Variants in GATAD1 observed in about 807,000 individuals in gnomAD.
GATAD1 encodes GATA zinc finger domain-containing protein 1.
In GATAD1, 12 loss-of-function variants were observed where a neutral mutation model predicts 26.5. The ratio of observed to expected loss-of-function variants is 0.45; its 90% CI spans 0.29 to 0.73. The LOEUF is 0.73. Ranked by LOEUF, GATAD1 falls within the 30% of genes least tolerant of loss-of-function variation. GATAD1 has a pLI of 0.10. For missense variants in GATAD1, 266 were observed against 342.1 expected, an observed-to-expected ratio of 0.78 and a Z score of 1.75; for synonymous variants, 129 against 133.1, an observed-to-expected ratio of 0.97 and a Z score of 0.21.
chr7:92,489,747 A>T, the GATAD1 span: 8 of 1,614,074 alleles, frequency 5.0e-6, 1 homozygote, highest in South Asian at 8.8e-5. Context: ...CTTTGATAAT[A>T]CTGATATCTG....
At chr7:92,493,075 C>A in the GATAD1 span, 2 of 1,612,930 alleles carry the variant, frequency 1.2e-6, no homozygotes, top group Non-Finnish European at 1.7e-6. Flanking sequence ...AGGTCAACAT[C>A]ATCTGCCAGA....
chr7:92,468,745 G>A, the GATAD1 span: 14 of 699,250 alleles, frequency 2.0e-5, no homozygotes, highest in East Asian at 2.9e-4. Flanking sequence ...TGCTGTTGGG[G>A]AGGTTGGCCG....
the GATAD1 span, among the ~76,000 whole-genome samples, chr7:92,483,162 G>T: frequency 6.6e-6 from 1 of 152,220 alleles, no homozygotes; most frequent in African/African-American, 2.4e-5. Context: ...CCGATTTCCA[G>T]TGGGGTCCTG....
At chr7:92,470,016 A>G in the GATAD1 span, 1 of 778,770 alleles carries the variant, frequency 1.3e-6, no homozygotes, top group Admixed American at 1.7e-5. Flanking sequence ...CTCTTGCCTG[A>G]TCTTGAACTC....
the GATAD1 span, chr7:92,491,367 C>T: frequency 3.2e-5 from 52 of 1,613,746 alleles, no homozygotes; most frequent in Admixed American, 4.8e-4. Flanking sequence ...GGAAGGATCT[C>T]GGACATCTCT....
the GATAD1 span, chr7:92,492,891 T>G: frequency 3.1e-6 from 4 of 1,300,784 alleles, no homozygotes. Context: ...AGGTGGAAAT[T>G]TTGACATTGT....
Position 92,457,812 on chromosome 7 carries a change from G to A in GATAD1, c.*1250G>A, listed in dbSNP as rs529274207. On this transcript the variant is annotated 3_prime_UTR_variant, in exon 5 of 5. Coordinates refer to ENST00000287957, the MANE Select transcript of GATAD1 (RefSeq NM_021167.5). ...GCTTTAACCATAAGAAAAATGATTG[G>A]TGGATGATTTTATTAGCCCAGGCTT... is the stretch of plus-strand genomic sequence containing the variant. 2 of 152,288 alleles carry A rather than the reference G, an allele frequency of 1.3e-5. No homozygotes were observed. The highest frequency in any genetic ancestry group is 4.1e-4 in the South Asian group (2 of 4,832). The allele number at this position is 152,288 out of a possible 1,614,324, so 9.4% of individuals were successfully genotyped here. A position where few individuals can be genotyped will look rare whatever the true frequency, so the allele number is the denominator to read the frequency against.
At position 92,456,383 on chromosome 7, in the gene GATAD1, G is replaced by A. The variant is rs1789672413; in HGVS notation, c.631G>A (p.Asp211Asn). 6.2e-7 allele frequency: 1 copy of A among 1,605,894 alleles called. No individual in the cohort carries two copies. Among genetic ancestry groups the A allele is most frequent in the African/African-American group, 1.3e-5 (1 of 74,866 alleles). The change falls in exon 5 of 5, where the codon GAT (aspartate) becomes AAT (asparagine). Residue 211 changes from aspartate to asparagine, a missense_variant. Coordinates refer to ENST00000287957, the MANE Select transcript of GATAD1 (RefSeq NM_021167.5). The stretch of plus-strand genomic sequence containing the variant: ...TGGCTGCCTTCCAGGGCCAGAGGAA[G>A]ATCTTCCAAGGAAGATGGAATACTT... ...PASYIIGPEE[D>N]LPRKMEYLEF...
At chr7:92,482,581 G>A in the GATAD1 span, among the ~76,000 whole-genome samples, 3 of 152,084 alleles carry the variant, frequency 2.0e-5, no homozygotes, top group South Asian at 2.1e-4. Flanking sequence ...GATAGTAATG[G>A]GCGTGTGATC....
chr7:92,460,265 C>G (rs1212202953), downstream of GATAD1, among the ~76,000 whole-genome samples: 2 of 152,134 alleles, frequency 1.3e-5, no homozygotes, highest in African/African-American at 4.8e-5. Context: ...CTGTCATGCC[C>G]AGAAAAGGGA....
chr7:92,461,965 A>T (rs1209841014), downstream of GATAD1, among the ~76,000 whole-genome samples: 1 of 152,228 alleles, frequency 6.6e-6, no homozygotes, highest in African/African-American at 2.4e-5. Context: ...GGCAGAGACC[A>T]CTAGGGACCA....
At chr7:92,493,265 C>T in the GATAD1 span, 1 of 532,394 alleles carries the variant, frequency 1.9e-6, no homozygotes, top group South Asian at 3.1e-5. Context: ...AGAAATGTAC[C>T]AACAGCCTAC....
At chr7:92,448,719 C>A (rs1171968217) in intron 1 of GATAD1, 33 bp from the exon 2 acceptor site, 2 of 1,587,880 alleles carry the variant, frequency 1.3e-6, no homozygotes, top group South Asian at 1.1e-5. Context: ...TTACTTCTTT[C>A]TCTTTTTGTT....
At chr7:92,470,999 T>C in the GATAD1 span, 4 of 167,120 alleles carry the variant, frequency 2.4e-5, no homozygotes, top group Non-Finnish European at 2.9e-5. Context: ...GTAAGTGATA[T>C]CGTATACCTA....
chr7:92,473,026 C>T, the GATAD1 span: 1 of 152,202 alleles, frequency 6.6e-6, no homozygotes. Context: ...TGGGGACTAT[C>T]CCTGAACCCT....
chr7:92,466,759 C>G, the GATAD1 span, among the ~76,000 whole-genome samples: 2 of 152,098 alleles, frequency 1.3e-5, no homozygotes, highest in African/African-American at 4.8e-5. Context: ...TCACACAGTT[C>G]ATTCTAACTT....
rs1450393110 is a variant in GATAD1, at chr7:92,449,288, A to G, written c.375+411A>G. The stretch of plus-strand genomic sequence containing the variant: ...ATTAACACTAGAACTCATCATTTGC[A>G]TATTTATTTGTTATTAAAGCCCCAG... On this transcript the variant is annotated intron_variant, in intron 2 of 4. Coordinates refer to ENST00000287957, the MANE Select transcript of GATAD1 (RefSeq NM_021167.5). The G allele has an allele frequency of 8.9e-6, 7 of 783,476 alleles. No homozygotes were observed. The East Asian group carries it at 7.5e-4, about 84-fold the overall frequency. 48.5% of individuals were successfully genotyped at this position (783,476 alleles called of 1,614,324 possible).
chr7:92,467,162 CA>C, the GATAD1 span, among the ~76,000 whole-genome samples: 4 of 151,794 alleles, frequency 2.6e-5, no homozygotes, highest in Admixed American at 6.6e-5. Flanking sequence ...ACTAAAAATA[CA>C]AAAAAATTAG....
At chr7:92,478,056 C>A in the GATAD1 span, 1 of 152,144 alleles carries the variant, frequency 6.6e-6, no homozygotes, top group East Asian at 1.9e-4. Context: ...GCCTAATTAG[C>A]ATTTTAGTGA....
Sources: gnomAD v4.1 joint callset for allele counts (sites outside exome capture counted in the v4.1 genomes callset) on GRCh38, gnomAD v4.1.1 for gene constraint, MANE v1.5 for transcripts, NCBI Gene and HGNC (gene_info 2026-07-23, HGNC 2026-07-21) for gene names.